The following EDIL3 variants were observed in gnomAD, a reference collection of about 807,000 sequenced individuals.
EDIL3 encodes the protein EGF-like repeat and discoidin I-like domain-containing protein 3.
EDIL3 carries 37 observed loss-of-function variants against 67.4 expected under a neutral mutation model. That is an observed-to-expected ratio of 0.55 (90% CI 0.42 to 0.72). EDIL3 has a LOEUF of 0.72. Ranked by LOEUF, EDIL3 falls within the 30% of genes least tolerant of loss-of-function variation. The pLI is 0.00. For missense variants in EDIL3, 527 were observed against 586.3 expected (o/e 0.90, Z 1.04); for synonymous variants, 195 against 196.3 (o/e 0.99, Z 0.05).
At chr5:84,073,188 G>A (rs1045242071) in intron 6 of EDIL3, among the ~76,000 whole-genome samples, 10 of 152,042 alleles carry the variant, frequency 6.6e-5, no homozygotes, top group African/African-American at 2.4e-4. Flanking sequence ...GTATTGATGG[G>A]ACGTATCTCA....
rs568847672 is a variant in EDIL3 at position 84,220,893 on chromosome 5, T to C, written c.226+8962A>G. Among the ~76,000 whole-genome samples the C allele has an allele frequency of 2.0e-3, 297 of 151,722 alleles. 1 individual carries two copies. Among genetic ancestry groups the C allele is most frequent in the African/African-American group, 6.9e-3 (284 of 41,262 alleles). Reference sequence around the variant, plus strand: ...GCCACAGTAGCTGTTGGCAGACATATTACAGCCATGGAGAAACCAGTGTTA... The same window carrying C: ...GCCACAGTAGCTGTTGGCAGACATACTACAGCCATGGAGAAACCAGTGTTA... On this transcript the variant is annotated intron_variant, in intron 3 of 10. Coordinates refer to ENST00000296591, the MANE Select transcript of EDIL3 (RefSeq NM_005711.5).
chr5:84,343,957 T>C (rs575546388), intron 1 of EDIL3, among the ~76,000 whole-genome samples: 1 of 152,136 alleles, frequency 6.6e-6, no homozygotes. Context: ...GATTTTGACA[T>C]GAAACTGTTA....
At chr5:84,233,878 G>A (rs1365253077) in intron 2 of EDIL3, among the ~76,000 whole-genome samples, 1 of 152,216 alleles carries the variant, frequency 6.6e-6, no homozygotes, top group African/African-American at 2.4e-5. Context: ...AGATCTGGAA[G>A]AAAGCTGATC....
At chr5:83,987,375 T>C (rs1745073518) in intron 9 of EDIL3, among the ~76,000 whole-genome samples, 1 of 152,170 alleles carries the variant, frequency 6.6e-6, no homozygotes, top group Non-Finnish European at 1.5e-5. Flanking sequence ...TGCCTTCATA[T>C]GGTATAATGT....
At chr5:84,250,759 A>T in intron 2 of EDIL3, among the ~76,000 whole-genome samples, 1 of 152,342 alleles carries the variant, frequency 6.6e-6, no homozygotes, top group Non-Finnish European at 1.5e-5. Context: ...TCAAAAAACA[A>T]CTTTTTCTAA....
intron 3 of EDIL3, among the ~76,000 whole-genome samples, chr5:84,219,118 T>G (rs899976789): frequency 1.3e-5 from 2 of 152,120 alleles, no homozygotes; most frequent in Non-Finnish European, 2.9e-5. Context: ...CAGAGGTGCT[T>G]GTGTCACCCC....
At chr5:84,319,527 A>AAAAAAAAAAAAAAAAAAAAAAAACATG (rs1746588595) in intron 1 of EDIL3, among the ~76,000 whole-genome samples, 1 of 103,702 alleles carries the variant, frequency 9.6e-6, no homozygotes, top group East Asian at 2.5e-4. Flanking sequence ...AAAAAAAGAA[A>AAAAAAAAAAAAAAAAAAAAAAAACATG]TAGGAATGCT....
intron 1 of EDIL3, among the ~76,000 whole-genome samples, chr5:84,259,993 G>A (rs1474318889): frequency 1.3e-5 from 2 of 152,162 alleles, no homozygotes; most frequent in Admixed American, 6.5e-5. Context: ...TGGTACTACT[G>A]AGAATCAGGT....
intron 10 of EDIL3, among the ~76,000 whole-genome samples, chr5:83,951,482 G>T (rs928893910): frequency 6.6e-6 from 1 of 150,904 alleles, no homozygotes; most frequent in Admixed American, 6.6e-5. Context: ...GCACTCTACT[G>T]CTCCTTCTGT....
chr5:84,218,127 A>G (rs568422330), intron 3 of EDIL3, among the ~76,000 whole-genome samples: 1 of 152,342 alleles, frequency 6.6e-6, no homozygotes, highest in South Asian at 2.1e-4. Flanking sequence ...CAACATATAA[A>G]CAAATATTAA....
At chr5:84,290,583 A>G (rs1162442284) in intron 1 of EDIL3, among the ~76,000 whole-genome samples, 2 of 152,158 alleles carry the variant, frequency 1.3e-5, no homozygotes, top group African/African-American at 4.8e-5. Context: ...AGAAAGAAAT[A>G]TTTTTCTTAC....
chr5:84,347,053 T>C (rs1747253150), intron 1 of EDIL3, among the ~76,000 whole-genome samples: 1 of 152,240 alleles, frequency 6.6e-6, no homozygotes, highest in Non-Finnish European at 1.5e-5. Flanking sequence ...CCATAATATC[T>C]TAAGCCTTCT....
intron 9 of EDIL3, among the ~76,000 whole-genome samples, chr5:83,974,464 C>T (rs1282642311): frequency 6.6e-6 from 1 of 151,398 alleles, no homozygotes; most frequent in Admixed American, 6.6e-5. Flanking sequence ...GTGGACTGCC[C>T]CAAAGGATGA....
chr5:84,309,712 A>T (rs1260604241), intron 1 of EDIL3, among the ~76,000 whole-genome samples: 1 of 152,064 alleles, frequency 6.6e-6, no homozygotes, highest in Non-Finnish European at 1.5e-5. Flanking sequence ...CATGGTGTAT[A>T]TGTGCCACAT....
At chr5:84,175,660 C>T (rs568216206) in intron 4 of EDIL3, among the ~76,000 whole-genome samples, 7 of 152,142 alleles carry the variant, frequency 4.6e-5, no homozygotes, top group African/African-American at 7.2e-5. Flanking sequence ...TGCCGAATGA[C>T]GCTTCATCAA....
chr5:83,986,379 C>G (rs1490730261), intron 9 of EDIL3, among the ~76,000 whole-genome samples: 3 of 152,036 alleles, frequency 2.0e-5, no homozygotes, highest in African/African-American at 7.2e-5. Context: ...TATGCATTAG[C>G]TTGGTGACCT....
intron 1 of EDIL3, among the ~76,000 whole-genome samples, chr5:84,357,850 T>TGCACTCCA (rs1747519296): frequency 7.2e-6 from 1 of 138,450 alleles, no homozygotes; most frequent in East Asian, 2.2e-4. Context: ...ATTGTGCCAC[T>TGCACTCCA]GCACTCCAGC....
intron 6 of EDIL3, among the ~76,000 whole-genome samples, chr5:84,095,239 G>C (rs968307741): frequency 6.6e-6 from 1 of 152,138 alleles, no homozygotes; most frequent in African/African-American, 2.4e-5. Context: ...TTTTTACCAA[G>C]TGTAAATTGG....
intron 1 of EDIL3, among the ~76,000 whole-genome samples, chr5:84,294,215 C>G (rs1473393037): frequency 2.6e-5 from 4 of 151,486 alleles, no homozygotes; most frequent in Non-Finnish European, 5.9e-5. Context: ...AACCCCGTCT[C>G]TACTAAAAAA....
Sources: allele counts gnomAD v4.1 joint callset (sites outside exome capture counted in the v4.1 genomes callset), GRCh38; gene constraint gnomAD v4.1.1; transcripts MANE v1.5; gene names NCBI Gene and HGNC (gene_info 2026-07-23, HGNC 2026-07-21).